ERC2: variants seen among roughly 807,000 people sequenced by gnomAD.
The protein encoded by ERC2 is ELKS/RAB6-interacting/CAST family member 2.
ERC2 carries 42 observed loss-of-function variants against 114.8 expected under a neutral mutation model. That is an observed-to-expected ratio of 0.37 (90% confidence interval 0.29 to 0.47). The LOEUF (loss-of-function observed/expected upper bound fraction) is 0.47. Ranked by LOEUF, ERC2 falls within the 20% of genes least tolerant of loss-of-function variation. The pLI, the probability that ERC2 is intolerant of heterozygous loss-of-function variation, is 0.99. For synonymous variants in ERC2, 454 were observed against 425.5 expected, an observed-to-expected ratio of 1.07 and a Z score of -0.82; for missense variants, 939 against 1,150.7, an observed-to-expected ratio of 0.82 and a Z score of 2.66.
intron 2 of ERC2, among the ~76,000 whole-genome samples, chr3:56,310,687 C>T (rs1179636133): frequency 6.6e-6 from 1 of 152,094 alleles, no homozygotes; most frequent in Non-Finnish European, 1.5e-5. Flanking sequence ...CACTCCAACC[C>T]TGAGAAGGGA....
chr3:56,324,865 C>T (rs1238410884), intron 2 of ERC2, among the ~76,000 whole-genome samples: 1 of 151,980 alleles, frequency 6.6e-6, no homozygotes, highest in East Asian at 1.9e-4. Flanking sequence ...ATGCCAAGGA[C>T]ACTCTTGCTT....
At chr3:56,082,461 G>C (rs1300179765) in intron 6 of ERC2, among the ~76,000 whole-genome samples, 1 of 152,092 alleles carries the variant, frequency 6.6e-6, no homozygotes, top group Non-Finnish European at 1.5e-5. Context: ...AAGCCACCCA[G>C]TCTCGGTGCT....
intron 17 of ERC2, among the ~76,000 whole-genome samples, chr3:55,647,781 C>T (rs1342925256): frequency 6.6e-6 from 1 of 152,226 alleles, no homozygotes; most frequent in East Asian, 1.9e-4. Flanking sequence ...CATCTTTCTT[C>T]ATGTTTCAAT....
intron 14 of ERC2, among the ~76,000 whole-genome samples, chr3:55,789,830 C>A (rs2069838321): frequency 1.3e-5 from 2 of 152,154 alleles, no homozygotes; most frequent in African/African-American, 4.8e-5. Flanking sequence ...CATCTACATC[C>A]CTTGACAAGG....
At chr3:55,725,257 T>A (rs2064839650) in intron 15 of ERC2, among the ~76,000 whole-genome samples, 4 of 152,210 alleles carry the variant, frequency 2.6e-5, no homozygotes. Flanking sequence ...GTAAAGTTGA[T>A]CTTTTCAAGT....
chr3:55,749,892 A>G (rs1010244839), intron 14 of ERC2, among the ~76,000 whole-genome samples: 1 of 152,184 alleles, frequency 6.6e-6, no homozygotes. Flanking sequence ...TCATTCTTGA[A>G]GTCGGTGAGA....
chr3:56,424,752 T>C (rs529558952), intron 2 of ERC2, among the ~76,000 whole-genome samples: 1 of 152,310 alleles, frequency 6.6e-6, no homozygotes, highest in South Asian at 2.1e-4. Flanking sequence ...AAAGCTACAG[T>C]TCTCTGAAGA....
intron 17 of ERC2, among the ~76,000 whole-genome samples, chr3:55,521,560 C>T (rs559898715): frequency 3.8e-4 from 58 of 152,342 alleles, no homozygotes; most frequent in Non-Finnish European, 7.3e-4. Context: ...TTGCTTCAGG[C>T]TGGGCCATTT....
chr3:56,176,272 G>A (rs2082973763), intron 3 of ERC2, among the ~76,000 whole-genome samples: 1 of 152,166 alleles, frequency 6.6e-6, no homozygotes, highest in Non-Finnish European at 1.5e-5. Flanking sequence ...ATAACTTGAG[G>A]AGAGAGGTTA....
chr3:56,292,315 G>A (rs532457762), intron 3 of ERC2, among the ~76,000 whole-genome samples: 7 of 151,960 alleles, frequency 4.6e-5, no homozygotes, highest in Admixed American at 2.6e-4. Context: ...CAGGCACGGT[G>A]GCTCACACCT....
intron 3 of ERC2, among the ~76,000 whole-genome samples, chr3:56,230,509 C>T (rs1367947401): frequency 6.6e-6 from 1 of 152,118 alleles, no homozygotes; most frequent in Non-Finnish European, 1.5e-5. Context: ...CTCTTCTTGT[C>T]TCAGCCTACC....
intron 3 of ERC2, among the ~76,000 whole-genome samples, chr3:56,201,028 C>G (rs2048375622): frequency 6.6e-6 from 1 of 152,166 alleles, no homozygotes; most frequent in Non-Finnish European, 1.5e-5. Context: ...TCCCTCTGCT[C>G]AGCAACCCCC....
At chr3:55,736,755 C>T (rs898727096) in intron 14 of ERC2, among the ~76,000 whole-genome samples, 13 of 152,128 alleles carry the variant, frequency 8.5e-5, no homozygotes, top group Non-Finnish European at 1.8e-4. Flanking sequence ...AATTAGAATG[C>T]TTTGCTTCCT....
chr3:56,342,139 G>A (rs562322166), intron 2 of ERC2, among the ~76,000 whole-genome samples: 5 of 152,224 alleles, frequency 3.3e-5, no homozygotes, highest in Non-Finnish European at 7.3e-5. Flanking sequence ...TCTCTTTCCA[G>A]CAGTCTGAGG....
intron 6 of ERC2, among the ~76,000 whole-genome samples, chr3:56,132,953 C>T (rs1431034882): frequency 6.6e-6 from 1 of 152,100 alleles, no homozygotes; most frequent in Non-Finnish European, 1.5e-5. Context: ...GGGCAATGAC[C>T]TTCATTATTA....
intron 14 of ERC2, among the ~76,000 whole-genome samples, chr3:55,735,850 T>C (rs2065598520): frequency 6.6e-6 from 1 of 152,192 alleles, no homozygotes; most frequent in Non-Finnish European, 1.5e-5. Context: ...GTGATGCTCC[T>C]TTGCCATCCC....
intron 13 of ERC2, among the ~76,000 whole-genome samples, chr3:55,930,534 G>C (rs542089357): frequency 1.3e-5 from 2 of 152,254 alleles, no homozygotes; most frequent in Non-Finnish European, 2.9e-5. Context: ...ATGGTGTTGG[G>C]AAAACGGGCT....
intron 2 of ERC2, among the ~76,000 whole-genome samples, chr3:56,325,664 T>C (rs1454365507): frequency 2.0e-5 from 3 of 152,214 alleles, no homozygotes; most frequent in African/African-American, 4.8e-5. Context: ...CTTGTCATTA[T>C]GAACTATATG....
At chr3:56,347,446 C>T (rs1272447939) in intron 2 of ERC2, among the ~76,000 whole-genome samples, 1 of 151,992 alleles carries the variant, frequency 6.6e-6, no homozygotes, top group African/African-American at 2.4e-5. Context: ...CCGTTCCTCC[C>T]TGTCTGATTC....
Sources: allele counts gnomAD v4.1 joint callset (sites outside exome capture counted in the v4.1 genomes callset), GRCh38; gene constraint gnomAD v4.1.1; transcripts MANE v1.5; gene names NCBI Gene and HGNC (gene_info 2026-07-23, HGNC 2026-07-21).